Variants in TDRD7 observed in about 807,000 individuals in gnomAD.
The protein encoded by TDRD7 is tudor domain-containing protein 7.
Under a neutral mutation model 109.8 loss-of-function variants are expected in TDRD7, and 47 were observed. The ratio of observed to expected loss-of-function variants is 0.43; its 90% CI spans 0.34 to 0.55. TDRD7 has a LOEUF of 0.55. Ranked by LOEUF, TDRD7 falls within the 20% of genes least tolerant of loss-of-function variation. The pLI is 0.03. For missense variants in TDRD7, 1,164 were observed against 1,319.2 expected (o/e 0.88, Z 1.82); for synonymous variants, 424 against 457.3 (o/e 0.93, Z 0.93).
chr9:97,476,843 C>T (rs545787403), intron 12 of TDRD7, among the ~76,000 whole-genome samples: 3 of 152,154 alleles, frequency 2.0e-5, no homozygotes, highest in African/African-American at 7.2e-5. Context: ...TGCACAGCAA[C>T]ATTTTGATAA....
chr9:97,426,256 C>T (rs1339174733), intron 1 of TDRD7, among the ~76,000 whole-genome samples: 2 of 152,100 alleles, frequency 1.3e-5, no homozygotes, highest in East Asian at 3.8e-4. Flanking sequence ...ATTTCTTTTA[C>T]TTTTCATTTA....
At position 97,432,157 on chromosome 9, in the gene TDRD7, A is replaced by T; in HGVS notation, c.482A>T (p.Tyr161Phe). 6.2e-7 allele frequency: 1 copy of T among 1,613,898 alleles called. No individual in the cohort carries two copies. The highest frequency in any genetic ancestry group is 8.5e-7 in the Non-Finnish European group (1 of 1,179,812). ...AAGCCTGATGCTGAAATGTCTCCTTATATGCTACACACAACTCTTGGAAAT... is the reference window on the plus strand; with the variant it reads ...AAGCCTGATGCTGAAATGTCTCCTTTTATGCTACACACAACTCTTGGAAAT... ...GVKPDAEMSP[Y>F]MLHTTLGNEA... The change falls in exon 4 of 17, where the codon TAT becomes TTT. Residue 161 changes from tyrosine (Y) to phenylalanine (F), a missense_variant. This residue lies in a region of TDRD7 where 407 missense variants were observed against 394.0 expected (regional missense o/e 1.03). Coordinates refer to ENST00000355295, the MANE Select transcript of TDRD7 (RefSeq NM_014290.3).
chr9:97,468,992 C>T (rs1828866971), intron 8 of TDRD7, among the ~76,000 whole-genome samples: 1 of 152,152 alleles, frequency 6.6e-6, no homozygotes, highest in Non-Finnish European at 1.5e-5. Context: ...TGATTAAAAA[C>T]AAGAAAAGAA....
chr9:97,417,531 A>G (rs1827830369), intron 1 of TDRD7, among the ~76,000 whole-genome samples: 1 of 152,170 alleles, frequency 6.6e-6, no homozygotes, highest in Non-Finnish European at 1.5e-5. Context: ...GGAATTGTAG[A>G]CATCCGCCTT....
At chr9:97,475,030 G>T (rs918358371) in intron 11 of TDRD7, among the ~76,000 whole-genome samples, 4 of 152,150 alleles carry the variant, frequency 2.6e-5, no homozygotes, top group Non-Finnish European at 4.4e-5. Flanking sequence ...GACAGCTCTC[G>T]CAACCTCCTC....
chr9:97,437,019 A>G (rs1000939050), intron 4 of TDRD7, among the ~76,000 whole-genome samples: 5 of 152,134 alleles, frequency 3.3e-5, no homozygotes, highest in Admixed American at 2.6e-4. Context: ...TATTAGTTCC[A>G]TTGTGTGCTT....
chr9:97,422,293 G>A (rs1209969056), intron 1 of TDRD7, among the ~76,000 whole-genome samples: 2 of 152,136 alleles, frequency 1.3e-5, no homozygotes, highest in Non-Finnish European at 2.9e-5. Context: ...CAACTTGGGA[G>A]GCTGAGGCAC....
rs1175858385 is a variant in TDRD7 at position 97,478,497 on chromosome 9, T to C, written c.2225T>C (p.Val742Ala). 6.2e-7 allele frequency: 1 copy of C among 1,614,054 alleles called. No homozygotes were observed. Among genetic ancestry groups the C allele is most frequent in the South Asian group, 1.1e-5 (1 of 91,090 alleles). ...GTTCAGTTCCTGGACTCTGGCACTG[T>C]GACATCTGTAAAAGTGTCAGAGCTC... ...LDVQFLDSGT[V>A]TSVKVSELRE... Residue 742 changes from valine to alanine, a missense_variant, in exon 13 of 17, where the codon GTG (valine) becomes GCG (alanine). Physicochemically the swap from Val to Ala is moderately conservative, Grantham distance 64. Around this residue, in one of 5 missense-constraint regions of TDRD7, gnomAD observed 233 missense variants for 218.0 expected, o/e 1.07. Transcript: ENST00000355295.
chr9:97,475,535 GT>G (rs59133420), intron 12 of TDRD7, 66 bp downstream of exon 12: 3 of 1,162,912 alleles, frequency 2.6e-6, no homozygotes, highest in Non-Finnish European at 3.8e-6. Context: ...ATACACATAG[GT>G]TTTTTTAAAA....
chr9:97,476,625 TTC>T (rs1412630333), intron 12 of TDRD7, among the ~76,000 whole-genome samples: 27 of 151,774 alleles, frequency 1.8e-4, no homozygotes, highest in African/African-American at 6.5e-4. Context: ...GATTTTTTTT[TTC>T]TTTTTTTTCT....
At chr9:97,468,816 C>G (rs1017914706) in intron 8 of TDRD7, among the ~76,000 whole-genome samples, 1 of 152,078 alleles carries the variant, frequency 6.6e-6, no homozygotes, top group African/African-American at 2.4e-5. Flanking sequence ...GGACTGGGGC[C>G]TTATGCCAGA....
intron 7 of TDRD7, 135 bp downstream of exon 7, chr9:97,460,899 T>C: frequency 1.2e-6 from 1 of 819,746 alleles, no homozygotes. Flanking sequence ...CCCAGCACTT[T>C]GGGAGGCCGA....
chr9:97,455,451 C>T (rs191220342), intron 6 of TDRD7, among the ~76,000 whole-genome samples: 5 of 152,272 alleles, frequency 3.3e-5, no homozygotes, highest in African/African-American at 1.2e-4. Context: ...CTGAATCCAG[C>T]AACACATCAA....
At chr9:97,452,807 C>G (rs1467389932) in intron 6 of TDRD7, among the ~76,000 whole-genome samples, 1 of 152,180 alleles carries the variant, frequency 6.6e-6, no homozygotes, top group Middle Eastern at 3.2e-3. Context: ...TTGCCCTGGA[C>G]CAACTCAAGT....
intron 1 of TDRD7, among the ~76,000 whole-genome samples, chr9:97,418,749 A>T (rs1181399384): frequency 6.6e-6 from 1 of 152,190 alleles, no homozygotes; most frequent in Admixed American, 6.6e-5. Context: ...TGTCCTTTCA[A>T]ACCTGAATCA....
intron 6 of TDRD7, among the ~76,000 whole-genome samples, chr9:97,452,174 A>G (rs1828507335): frequency 6.6e-6 from 1 of 152,178 alleles, no homozygotes. Context: ...AGATTGCGCC[A>G]CTGCACTCTA....
chr9:97,426,401 G>A (rs980037528), intron 1 of TDRD7, among the ~76,000 whole-genome samples: 9 of 151,980 alleles, frequency 5.9e-5, no homozygotes, highest in Admixed American at 2.0e-4. Context: ...ATAGACATAT[G>A]CTGCCACATC....
chr9:97,441,582 A>G, intron 5 of TDRD7, 76 bp from the exon 6 acceptor site: 8 of 1,322,342 alleles, frequency 6.0e-6, no homozygotes. Context: ...AAACCTGAAG[A>G]TGCAAATATT....
chr9:97,419,949 A>G (rs1189301712), intron 1 of TDRD7, among the ~76,000 whole-genome samples: 3 of 152,200 alleles, frequency 2.0e-5, no homozygotes, highest in African/African-American at 7.2e-5. Flanking sequence ...TGGTTTTCAC[A>G]TCTATAAGTT....
Sources: allele counts gnomAD v4.1 joint callset (sites outside exome capture counted in the v4.1 genomes callset), GRCh38; gene constraint gnomAD v4.1.1; regional missense constraint gnomAD v4.1.1; transcripts MANE v1.5; gene names NCBI Gene and HGNC (gene_info 2026-07-23, HGNC 2026-07-21).